Variants in RSRC1 observed in about 807,000 individuals in gnomAD.
RSRC1 encodes arginine and serine rich coiled-coil 1, also known as serine/Arginine-related protein 53.
Under a neutral mutation model 49.1 loss-of-function variants are expected in RSRC1, and 39 were observed. That is an observed-to-expected ratio of 0.79 (90% confidence interval 0.61 to 1.04). The LOEUF is 1.04. Among genes scored for constraint, RSRC1 ranks in the 50% least tolerant of loss-of-function variants. The probability of loss-of-function intolerance (pLI) is 0.00; values close to 1 mark genes in which losing one functional copy is unlikely to be tolerated. For missense variants in RSRC1, 388 were observed against 402.4 expected (o/e 0.96, Z 0.31); for synonymous variants, 143 against 130.8 (o/e 1.09, Z -0.63).
chr3:158,405,596 G>A (rs557240283), intron 6 of RSRC1, among the ~76,000 whole-genome samples: 3 of 152,212 alleles, frequency 2.0e-5, no homozygotes, highest in East Asian at 3.9e-4. Flanking sequence ...GGTGTCATGG[G>A]TAAGGCTTTT....
At chr3:158,211,855 A>T (rs1342547126) in intron 4 of RSRC1, among the ~76,000 whole-genome samples, 1 of 151,856 alleles carries the variant, frequency 6.6e-6, no homozygotes, top group Non-Finnish European at 1.5e-5. Flanking sequence ...AAACAGTTTT[A>T]ACTATTGGTT....
chr3:158,432,500 T>C (rs1735819169), intron 6 of RSRC1, among the ~76,000 whole-genome samples: 1 of 151,898 alleles, frequency 6.6e-6, no homozygotes, highest in African/African-American at 2.4e-5. Context: ...TGTACTATTT[T>C]TTTTCCTCAA....
At chr3:158,249,649 A>C (rs923823417) in intron 4 of RSRC1, among the ~76,000 whole-genome samples, 1 of 111,656 alleles carries the variant, frequency 9.0e-6, no homozygotes, top group African/African-American at 3.4e-5. Context: ...TCTATGGTAC[A>C]TTTATGCTTC....
chr3:158,380,371 G>A (rs80229718), intron 6 of RSRC1, among the ~76,000 whole-genome samples: 1 of 152,080 alleles, frequency 6.6e-6, no homozygotes, highest in East Asian at 1.9e-4. Flanking sequence ...GAGGCTGGAG[G>A]ATTACTTGAG....
chr3:158,360,698 G>A (rs1457859579), intron 6 of RSRC1, among the ~76,000 whole-genome samples: 2 of 152,236 alleles, frequency 1.3e-5, no homozygotes, highest in South Asian at 2.1e-4. Flanking sequence ...CCTAGGCTTG[G>A]TCCCAACCCT....
At chr3:158,409,183 T>A in intron 6 of RSRC1, among the ~76,000 whole-genome samples, 1 of 152,012 alleles carries the variant, frequency 6.6e-6, no homozygotes, top group East Asian at 1.9e-4. Flanking sequence ...AACTAATGGA[T>A]ACTAGGCTTA....
chr3:158,129,956 T>G (rs1003609914), intron 3 of RSRC1, among the ~76,000 whole-genome samples: 2 of 152,244 alleles, frequency 1.3e-5, no homozygotes, highest in Non-Finnish European at 2.9e-5. Context: ...CAAACAATGT[T>G]ATGTAGTTTT....
intron 6 of RSRC1, among the ~76,000 whole-genome samples, chr3:158,413,108 A>G (rs1429395415): frequency 6.6e-6 from 1 of 152,206 alleles, no homozygotes; most frequent in Non-Finnish European, 1.5e-5. Context: ...AGGCTACAGT[A>G]GCCAAAACAG....
chr3:158,303,661 C>A (rs1243709374), intron 5 of RSRC1: 1 of 152,128 alleles, frequency 6.6e-6, no homozygotes, highest in Non-Finnish European at 1.5e-5. Context: ...TGAAGAAGGC[C>A]TTCTGAATCT....
intron 7 of RSRC1, chr3:158,469,274 C>T (rs1738022728): frequency 2.7e-6 from 1 of 368,630 alleles, no homozygotes; most frequent in Non-Finnish European, 5.2e-6. Flanking sequence ...AAAAGATGGC[C>T]AAGAATTATA....
At chr3:158,232,910 G>T (rs1384203128) in intron 4 of RSRC1, among the ~76,000 whole-genome samples, 1 of 152,010 alleles carries the variant, frequency 6.6e-6, no homozygotes, top group East Asian at 1.9e-4. Context: ...TAAATGTTTT[G>T]GTTGTCCTTG....
intron 3 of RSRC1, among the ~76,000 whole-genome samples, chr3:158,181,859 A>G (rs921510322): frequency 6.6e-6 from 1 of 152,222 alleles, no homozygotes; most frequent in Admixed American, 6.5e-5. Flanking sequence ...TTGTTTATTC[A>G]TTCTTAACAA....
chr3:158,241,379 G>A (rs911924543), intron 4 of RSRC1, among the ~76,000 whole-genome samples: 7 of 152,054 alleles, frequency 4.6e-5, no homozygotes, highest in African/African-American at 7.2e-5. Context: ...AACCCAGGAG[G>A]CAGAAGCTGC....
chr3:158,504,200 A>G (rs1036587500), intron 7 of RSRC1, among the ~76,000 whole-genome samples: 2 of 152,156 alleles, frequency 1.3e-5, no homozygotes, highest in East Asian at 3.9e-4. Context: ...TCACTTCCAC[A>G]GTTGGGGCAC....
intron 3 of RSRC1, among the ~76,000 whole-genome samples, chr3:158,133,120 G>A (rs1224375987): frequency 1.3e-5 from 2 of 152,078 alleles, no homozygotes; most frequent in African/African-American, 4.8e-5. Context: ...ATATCCAAAT[G>A]TAATATGAAA....
chr3:158,152,175 C>T (rs1717581507), intron 3 of RSRC1, among the ~76,000 whole-genome samples: 1 of 151,794 alleles, frequency 6.6e-6, no homozygotes, highest in Non-Finnish European at 1.5e-5. Flanking sequence ...CTCTTATTAG[C>T]TGTTTGACCT....
intron 4 of RSRC1, among the ~76,000 whole-genome samples, chr3:158,295,058 G>A (rs1262332679): frequency 6.6e-6 from 1 of 152,116 alleles, no homozygotes; most frequent in Non-Finnish European, 1.5e-5. Context: ...AAAGTAAATA[G>A]GCATTTATAA....
At chr3:158,350,974 T>A (rs79446369) in intron 5 of RSRC1, among the ~76,000 whole-genome samples, 3 of 152,184 alleles carry the variant, frequency 2.0e-5, no homozygotes, top group African/African-American at 7.2e-5. Flanking sequence ...AATTTTTTTT[T>A]AATTCTATAT....
At position 158,141,749 on chromosome 3, in the gene RSRC1, AC is replaced by A. The variant is rs761050632; in HGVS notation, c.320+17760del. 7.6e-4 allele frequency among the ~76,000 whole-genome samples: 115 copies of A among 152,142 alleles called. 1 individual carries two copies. Among genetic ancestry groups the A allele is most frequent in the Admixed American group, 3.4e-3 (52 of 15,276 alleles). ...TTTAGGGAATATAAAGCATTTGTGAACCATTATAGATTGTTTTGCAATCTCA... is the reference window on the plus strand; with the variant it reads ...TTTAGGGAATATAAAGCATTTGTGAACATTATAGATTGTTTTGCAATCTCA... On this transcript the variant is annotated intron_variant, in intron 3 of 9. Coordinates refer to ENST00000611884, the MANE Select transcript of RSRC1 (RefSeq NM_001271838.2).
Sources: allele counts gnomAD v4.1 joint callset (sites outside exome capture counted in the v4.1 genomes callset), GRCh38; gene constraint gnomAD v4.1.1; transcripts MANE v1.5; gene names NCBI Gene and HGNC (gene_info 2026-07-23, HGNC 2026-07-21).